TTF2: variants seen among roughly 807,000 people sequenced by gnomAD.
The protein encoded by TTF2 is RNA polymerase II termination factor.
In TTF2, 108 loss-of-function variants were observed where a neutral mutation model predicts 142.4. That is an observed-to-expected ratio of 0.76 (90% confidence interval 0.65 to 0.89). The LOEUF (loss-of-function observed/expected upper bound fraction) is 0.89. TTF2 is among the 40% of genes least tolerant of loss of function. The probability of loss-of-function intolerance (pLI) is 0.00; values close to 1 mark genes in which losing one functional copy is unlikely to be tolerated. For missense variants in TTF2, 1,327 were observed against 1,379.8 expected, an observed-to-expected ratio of 0.96 and a Z score of 0.61; for synonymous variants, 483 against 506.2, an observed-to-expected ratio of 0.95 and a Z score of 0.61.
rs1010062231 is a variant in TTF2 at position 117,073,873 on chromosome 1, C to T, written c.285+146C>T. On this transcript the variant is annotated intron_variant, in intron 4 of 22. Transcript: ENST00000369466. This position sits in a 1 kb window ranked among gnomAD's most constrained non-coding sequence, Gnocchi z 4.4. ...ATAGTTTTCTTTAAGCAAGGTAGGC[C>T]CTGTTGGGACTTTTATTCAAAGGAT... 5.2e-6 allele frequency: 3 copies of T among 574,130 alleles called. No homozygotes were observed. Among genetic ancestry groups the T allele is most frequent in the Non-Finnish European group, 5.7e-6 (2 of 349,192 alleles). The allele number at this position is 574,130 out of a possible 1,614,324, so 35.6% of individuals were successfully genotyped here.
At chr1:117,066,784 C>A (rs1382490913) in intron 3 of TTF2, among the ~76,000 whole-genome samples, 2 of 151,264 alleles carry the variant, frequency 1.3e-5, no homozygotes, top group African/African-American at 4.9e-5. Context: ...CTCACTGCGA[C>A]CTCTGCCTCC....
intron 21 of TTF2, 169 bp from the exon 22 acceptor site, chr1:117,098,664 T>G: frequency 1.8e-6 from 1 of 558,320 alleles, no homozygotes; most frequent in Non-Finnish European, 3.2e-6. Context: ...TGTCACATGA[T>G]GTGTGTGTTT....
At chr1:117,061,993 C>T (rs1655723583) in intron 2 of TTF2, among the ~76,000 whole-genome samples, 1 of 152,046 alleles carries the variant, frequency 6.6e-6, no homozygotes, top group African/African-American at 2.4e-5. Flanking sequence ...TAGAGGTAGG[C>T]GTGTGAATAA....
chr1:117,089,260 C>CTATATATATATATATATA (rs10524337), intron 13 of TTF2, among the ~76,000 whole-genome samples: 1,918 of 137,314 alleles, frequency 0.014, 48 homozygotes, highest in African/African-American at 0.025. Context: ...CAAATATATG[C>CTATATATATATATATATA]TATATATATA....
intron 16 of TTF2, 30 bp downstream of exon 16, chr1:117,091,440 T>C (rs1185382333): frequency 1.3e-6 from 2 of 1,574,086 alleles, no homozygotes; most frequent in Non-Finnish European, 1.7e-6. Context: ...TAAATACATA[T>C]GACTGGTGAA....
Position 117,102,972 on chromosome 1 carries a change from G to A in TTF2, c.*1448G>A, listed in dbSNP as rs927934857. The A allele has an allele frequency of 6.6e-6, 1 of 152,182 alleles. No individual in the cohort carries two copies. The highest frequency in any genetic ancestry group is 2.4e-5 in the African/African-American group (1 of 41,440). The allele number at this position is 152,182 out of a possible 1,614,324, so 9.4% of individuals were successfully genotyped here. On this transcript the variant is annotated 3_prime_UTR_variant, in exon 23 of 23. Transcript: ENST00000369466. ...GCAGTTTGACGGGGTCCATATCAATGGACTGTGGAGAGAAGCGATTGATGT... is the reference window on the plus strand; with the variant it reads ...GCAGTTTGACGGGGTCCATATCAATAGACTGTGGAGAGAAGCGATTGATGT...
chr1:117,091,965 C>T lies in TTF2; in HGVS notation c.2805+15C>T. On this transcript the variant is annotated intron_variant, in intron 17 of 22. Transcript: ENST00000369466. ...TACTGAAGTCGGTAAGAAAAGCCCT[C>T]AGCCTGCTGTCATATAGTGCTCCAG... 6.2e-7 allele frequency: 1 copy of T among 1,609,962 alleles called. No individual in the cohort carries two copies. Among genetic ancestry groups the T allele is most frequent in the Non-Finnish European group, 8.5e-7 (1 of 1,178,910 alleles).
In TTF2 at chr1:117,086,339, T is replaced by A; in HGVS notation, c.2055-78T>A. On this transcript the variant is annotated intron_variant, in intron 11 of 22. Coordinates refer to ENST00000369466, the MANE Select transcript of TTF2 (RefSeq NM_003594.4). This position sits in a 1 kb window ranked among gnomAD's most constrained non-coding sequence, Gnocchi z 4.2. ...GTCCTTCCATTTGTAGGCATTTTTA[T>A]TGAAAGATCAACTCTGCCTCTCTCA... 9.4e-7 allele frequency: 1 copy of A among 1,059,416 alleles called. No individual in the cohort carries two copies. Among genetic ancestry groups the A allele is most frequent in the Non-Finnish European group, 1.4e-6 (1 of 695,322 alleles). 65.6% of individuals were successfully genotyped at this position (1,059,416 alleles called of 1,614,324 possible).
chr1:117,073,808 C>T lies in TTF2; in HGVS notation c.285+81C>T, dbSNP rs1295725481. 2.2e-6 allele frequency: 3 copies of T among 1,345,760 alleles called. No homozygotes were observed. In the East Asian group the frequency reaches 7.2e-5, roughly 32 times the overall value. 83.4% of individuals were successfully genotyped at this position (1,345,760 alleles called of 1,614,324 possible). ...CATCACCTGAAAATACCTTGAAGTT[C>T]ACGTAAATGAGTTGGTCTTCATCAG... On this transcript the variant is annotated intron_variant, in intron 4 of 22. Transcript: ENST00000369466. This position sits in a 1 kb window ranked among gnomAD's most constrained non-coding sequence, Gnocchi z 4.4.
intron 21 of TTF2, 49 bp from the exon 22 acceptor site, chr1:117,098,774 AGTTTGCCATT>A: frequency 6.6e-7 from 1 of 1,505,112 alleles, no homozygotes; most frequent in Non-Finnish European, 9.1e-7. Context: ...CATGGCCCAT[AGTTTGCCATT>A]TCTGATCTAG....
Position 117,090,694 on chromosome 1 carries a change from A to G in TTF2, c.2588+71A>G. ...CTGTCTTTTCTTGGGAGTGAGTTGA[A>G]GGTCAAATTTCCACAAACTTTATGG... On this transcript the variant is annotated intron_variant, in intron 15 of 22. Transcript: ENST00000369466. The surrounding 1 kb of genome is among the most constrained non-coding windows in gnomAD (Gnocchi z 4.8). 1 of 1,327,322 alleles carries G rather than the reference A, an allele frequency of 7.5e-7. No individual in the cohort carries two copies. The highest frequency in any genetic ancestry group is 1.1e-6 in the Non-Finnish European group (1 of 941,046). The allele number at this position is 1,327,322 out of a possible 1,614,324, so 82.2% of individuals were successfully genotyped here. A position where few individuals can be genotyped will look rare whatever the true frequency, so the allele number is the denominator to read the frequency against.
intron 3 of TTF2, among the ~76,000 whole-genome samples, chr1:117,069,483 G>A (rs1389734860): frequency 1.3e-5 from 2 of 152,242 alleles, no homozygotes; most frequent in Admixed American, 1.3e-4. Context: ...CAGAAGTGTG[G>A]ATGTAGGAAT....
At position 117,075,873 on chromosome 1, in the gene TTF2, C is replaced by T. The variant is rs757261179; in HGVS notation, c.1275+14C>T. 1.4e-5 allele frequency: 22 copies of T among 1,587,384 alleles called. No homozygotes were observed. The highest frequency in any genetic ancestry group is 1.7e-5 in the Non-Finnish European group (20 of 1,169,298). On this transcript the variant is annotated intron_variant, in intron 5 of 22. Transcript: ENST00000369466. The surrounding 1 kb of genome is among the most constrained non-coding windows in gnomAD (Gnocchi z 4.5). ...AAACAAAAGAAGGTAACTATTGACT[C>T]GTGTTTTGTTTCTGAGGTCAGAGCA...
chr1:117,093,960 C>T lies in TTF2; in HGVS notation c.2976+1059C>T, dbSNP rs1648848899. On this transcript the variant is annotated intron_variant, in intron 18 of 22. Transcript: ENST00000369466. The surrounding 1 kb of genome is among the most constrained non-coding windows in gnomAD (Gnocchi z 4.5). ...CCCTCCTGCTGCAGTTTTCTCAAAA[C>T]ACCATGGCTAGCTTTTTCATGTGGG... 6.6e-6 allele frequency among the ~76,000 whole-genome samples: 1 copy of T among 152,220 alleles called. No individual in the cohort carries two copies. Among genetic ancestry groups the T allele is most frequent in the African/African-American group, 2.4e-5 (1 of 41,456 alleles).
intron 19 of TTF2, among the ~76,000 whole-genome samples, 172 bp downstream of exon 19, chr1:117,095,539 G>A (rs1046230146): frequency 1.3e-5 from 2 of 152,094 alleles, no homozygotes; most frequent in African/African-American, 4.8e-5. Flanking sequence ...AAATTGAAAA[G>A]GAGATCCCTA....
chr1:117,069,146 G>T (rs1570799960), intron 3 of TTF2, among the ~76,000 whole-genome samples: 1 of 152,008 alleles, frequency 6.6e-6, no homozygotes. Context: ...GAAAGTTCGT[G>T]TAAAAGAATG....
Position 117,092,725 on chromosome 1 carries a change from G to T in TTF2, c.2806-6G>T, listed in dbSNP as rs1382828125. On this transcript the variant is annotated splice_region_variant and splice_polypyrimidine_tract_variant and intron_variant, in intron 17 of 22. Coordinates refer to ENST00000369466, the MANE Select transcript of TTF2 (RefSeq NM_003594.4). This position sits in a 1 kb window ranked among gnomAD's most constrained non-coding sequence, Gnocchi z 4.4. ...CAGCTGCTCCTGTCCTTTTTTGTCT[G>T]TTCAGGCCCTGGATCCAATGGAACT... The T allele has an allele frequency of 1.2e-6, 2 of 1,610,648 alleles. No individual in the cohort carries two copies. Among genetic ancestry groups the T allele is most frequent in the Admixed American group, 1.7e-5 (1 of 59,178 alleles).
rs1648024652 is a variant in TTF2 at position 117,086,485 on chromosome 1, A to C, written c.2123A>C (p.Gln708Pro). 6.2e-7 allele frequency: 1 copy of C among 1,614,010 alleles called. No individual in the cohort carries two copies. Among genetic ancestry groups the C allele is most frequent in the African/African-American group, 1.3e-5 (1 of 74,910 alleles). Residue 708 changes from glutamine to proline, a missense_variant, in exon 12 of 23, where the codon CAA (glutamine) becomes CCA (proline). Coordinates refer to ENST00000369466, the MANE Select transcript of TTF2 (RefSeq NM_003594.4). The surrounding 1 kb of genome is among the most constrained non-coding windows in gnomAD (Gnocchi z 4.2). The stretch of plus-strand genomic sequence containing the variant: ...GCCAAGGAGATTCCCACAAACAAGC[A>C]AGAGGCAGAGATCCCAGGTGCAAAC... ...LVAKEIPTNK[Q>P]EAEIPGANLN... is the part of the protein sequence containing the mutation.
In TTF2 at chr1:117,087,545, G is replaced by A. The variant is rs547486889; in HGVS notation, c.2160+1023G>A. ...TGACCTCAAGTGATCCACCCGCCTC[G>A]GCCTCCCAAAGTGCTGGGATTATAG... is the stretch of plus-strand genomic sequence containing the variant. On this transcript the variant is annotated intron_variant, in intron 12 of 22. Coordinates refer to ENST00000369466, the MANE Select transcript of TTF2 (RefSeq NM_003594.4). This position sits in a 1 kb window ranked among gnomAD's most constrained non-coding sequence, Gnocchi z 4.8. Among the ~76,000 whole-genome samples, 22 of 152,178 alleles carry A rather than the reference G, an allele frequency of 1.4e-4. No homozygotes were observed. In the South Asian group the frequency reaches 1.5e-3, roughly 10 times the overall value.
Sources: gnomAD v4.1 joint callset for allele counts (sites outside exome capture counted in the v4.1 genomes callset) on GRCh38, gnomAD v4.1.1 for gene constraint, Gnocchi (gnomAD v3.1) non-coding constraint, MANE v1.5 for transcripts, NCBI Gene and HGNC (gene_info 2026-07-23, HGNC 2026-07-21) for gene names.